NAA25: variants seen among roughly 807,000 people sequenced by gnomAD.
NAA25 encodes N-alpha-acetyltransferase 25, NatB auxiliary subunit, also known as N-terminal acetyltransferase B complex subunit NAA25.
In NAA25, 30 loss-of-function variants were observed where a neutral mutation model predicts 132.5. The ratio of observed to expected loss-of-function variants is 0.23; its 90% CI spans 0.17 to 0.31. The LOEUF (loss-of-function observed/expected upper bound fraction) is 0.31, where lower values mean the gene tolerates loss of function less well. Among genes scored for constraint, NAA25 ranks in the 10% least tolerant of loss-of-function variants. The pLI, the probability that NAA25 is intolerant of heterozygous loss-of-function variation, is 1.00. For missense variants in NAA25, 771 were observed against 1,150.4 expected (o/e 0.67, Z 4.77); for synonymous variants, 359 against 401.9 (o/e 0.89, Z 1.28).
At chr12:112,078,113 A>T in intron 7 of NAA25, 75 bp downstream of exon 7, 1 of 1,067,576 alleles carries the variant, frequency 9.4e-7, no homozygotes, top group South Asian at 1.4e-5. Flanking sequence ...CCTTATGTGG[A>T]AATTTTCTAC....
chr12:112,106,557 G>A (rs2079363862), intron 1 of NAA25, among the ~76,000 whole-genome samples: 1 of 152,060 alleles, frequency 6.6e-6, no homozygotes, highest in South Asian at 2.1e-4. Context: ...CAGCCCCGGG[G>A]AAATAGGAAA....
In NAA25 at chr12:112,054,475, C is replaced by T; in HGVS notation, c.1541G>A (p.Arg514Gln). The T allele has an allele frequency of 6.2e-7, 1 of 1,614,114 alleles. No homozygotes were observed. Among genetic ancestry groups the T allele is most frequent in the Non-Finnish European group, 8.5e-7 (1 of 1,180,018 alleles). Residue 514 changes from arginine to glutamine, a missense_variant, in exon 14 of 24, where the codon CGA (arginine) becomes CAA (glutamine). Arg to Gln is a conservative substitution (Grantham distance 43, BLOSUM62 1). Around this residue, in one of 3 missense-constraint regions of NAA25, gnomAD observed 417 missense variants for 733.8 expected, o/e 0.57. Coordinates refer to ENST00000261745, the MANE Select transcript of NAA25 (RefSeq NM_024953.4). ...SNAQFKLLLV[R>Q]IYCMLGAFEP... ...AAATGCACCCAGCATACAGTAGATT[C>T]GAACAAGCAGCAATTTGAACTGAGC...
chr12:112,048,867 GC>G (rs1192356233), intron 15 of NAA25, among the ~76,000 whole-genome samples: 1 of 150,550 alleles, frequency 6.6e-6, no homozygotes, highest in Non-Finnish European at 1.5e-5. Context: ...AGAACCACCT[GC>G]CCCCCGCCCC....
In NAA25 at chr12:112,104,089, G is replaced by T. The variant is rs138701186; in HGVS notation, c.58+4627C>A. Among the ~76,000 whole-genome samples the T allele has an allele frequency of 4.8e-3, 724 of 152,244 alleles. 10 individuals are homozygous for T. The highest frequency in any genetic ancestry group is 0.017 in the African/African-American group (688 of 41,538). On this transcript the variant is annotated intron_variant, in intron 1 of 23. Coordinates refer to ENST00000261745, the MANE Select transcript of NAA25 (RefSeq NM_024953.4). The stretch of plus-strand genomic sequence containing the variant: ...ATAATTACCTGAGCCAGGCACCCAA[G>T]AGAAATGTCCTAACTCAGCAAAGAA...
At chr12:112,052,596 C>G (rs1027773381) in intron 15 of NAA25, among the ~76,000 whole-genome samples, 1 of 151,168 alleles carries the variant, frequency 6.6e-6, no homozygotes, top group Non-Finnish European at 1.5e-5. Flanking sequence ...AACCTATATC[C>G]CATGTTCAGA....
At chr12:112,095,227 G>A (rs201514422) in intron 1 of NAA25, among the ~76,000 whole-genome samples, 1 of 151,878 alleles carries the variant, frequency 6.6e-6, no homozygotes, top group Non-Finnish European at 1.5e-5. Flanking sequence ...CACGAGGTCA[G>A]GAGATTGAGA....
intron 23 of NAA25, 147 bp downstream of exon 23, chr12:112,033,086 C>T (rs1207294828): frequency 1.1e-6 from 1 of 907,238 alleles, no homozygotes. Flanking sequence ...CAACAAGAAA[C>T]TACTGCCAAG....
At chr12:112,080,999 G>T in intron 5 of NAA25, 61 bp downstream of exon 5, 1 of 1,375,960 alleles carries the variant, frequency 7.3e-7, no homozygotes, top group Non-Finnish European at 1.0e-6. Flanking sequence ...GACACACTGA[G>T]GACAATAACT....
chr12:112,075,646 G>T (rs1239870371), intron 8 of NAA25, 32 bp downstream of exon 8: 1 of 1,571,602 alleles, frequency 6.4e-7, no homozygotes, highest in African/African-American at 1.4e-5. Context: ...CCTCACTACA[G>T]TCAAATGGTA....
intron 1 of NAA25, among the ~76,000 whole-genome samples, chr12:112,101,060 A>T (rs951288622): frequency 6.6e-6 from 1 of 152,124 alleles, no homozygotes; most frequent in African/African-American, 2.4e-5. Flanking sequence ...CCTCAAGTGG[A>T]CCAAGCTCCT....
At position 112,033,217 on chromosome 12, in the gene NAA25, G is replaced by T; in HGVS notation, c.2796+16C>A. On this transcript the variant is annotated intron_variant, in intron 23 of 23. Coordinates refer to ENST00000261745, the MANE Select transcript of NAA25 (RefSeq NM_024953.4). ...GTGTGTGTAGAAAACATTGCCGATT[G>T]CCTACAATCTCTTACCGGTGAGAGA... is the stretch of plus-strand genomic sequence containing the variant. 7.5e-6 allele frequency: 12 copies of T among 1,594,284 alleles called. No homozygotes were observed. Among genetic ancestry groups the T allele is most frequent in the Non-Finnish European group, 1.0e-5 (12 of 1,171,356 alleles).
At chr12:112,082,376 C>A (rs1392573501) in intron 4 of NAA25, among the ~76,000 whole-genome samples, 1 of 152,054 alleles carries the variant, frequency 6.6e-6, no homozygotes, top group Non-Finnish European at 1.5e-5. Context: ...TTGAGACCAG[C>A]CTGGGCAACA....
intron 20 of NAA25, among the ~76,000 whole-genome samples, chr12:112,041,559 A>T (rs1405936360): frequency 6.6e-6 from 1 of 152,176 alleles, no homozygotes; most frequent in East Asian, 1.9e-4. Context: ...TTGGGAATTT[A>T]ACAATTTAAT....
chr12:112,058,609 T>A (rs1214156501), intron 13 of NAA25, among the ~76,000 whole-genome samples: 1 of 152,148 alleles, frequency 6.6e-6, no homozygotes, highest in South Asian at 2.1e-4. Context: ...CTTGGCTTCC[T>A]GAGGTCTGAA....
At chr12:112,065,559 A>C (rs991973617) in intron 11 of NAA25, 1 of 152,028 alleles carries the variant, frequency 6.6e-6, no homozygotes, top group Non-Finnish European at 1.5e-5. Flanking sequence ...GCTACTGGGG[A>C]GGCTGAGGCA....
intron 15 of NAA25, 60 bp from the exon 16 acceptor site, chr12:112,048,503 A>G (rs952453278): frequency 4.1e-6 from 6 of 1,471,146 alleles, no homozygotes; most frequent in Non-Finnish European, 5.6e-6. Flanking sequence ...ATGTAAGCAA[A>G]CCTTGCCAGC....
At chr12:112,083,468 G>C (rs2079000055) in intron 4 of NAA25, among the ~76,000 whole-genome samples, 1 of 151,780 alleles carries the variant, frequency 6.6e-6, no homozygotes, top group Admixed American at 6.6e-5. Context: ...TTGCACCACT[G>C]CAATTCAGCT....
Position 112,108,481 on chromosome 12 carries a change from C to T in NAA25, c.58+235G>A, listed in dbSNP as rs1021884256. ...CGTCCCACGGGGCCTGCCAAGCAGG[C>T]CAGCTCTGCCGACCAGCTGCTGCCC... is the stretch of plus-strand genomic sequence containing the variant. On this transcript the variant is annotated intron_variant, in intron 1 of 23. Transcript: ENST00000261745. 2.6e-5 allele frequency among the ~76,000 whole-genome samples: 4 copies of T among 152,134 alleles called. No individual in the cohort carries two copies. The East Asian group carries it at 7.7e-4, about 29-fold the overall frequency.
rs542035951 is a variant in NAA25 at position 112,049,918 on chromosome 12, A to T, written c.1729-1475T>A. ...AGTAATTAATCAAAAAGAAAATATG[A>T]CTTTAGTAATTCCAATCAAAGTTAT... is the stretch of plus-strand genomic sequence containing the variant. On this transcript the variant is annotated intron_variant, in intron 15 of 23. Coordinates refer to ENST00000261745, the MANE Select transcript of NAA25 (RefSeq NM_024953.4). The surrounding 1 kb of genome is among the most constrained non-coding windows in gnomAD (Gnocchi z 4.7). Among the ~76,000 whole-genome samples, 30 of 152,262 alleles carry T rather than the reference A, an allele frequency of 2.0e-4. No individual in the cohort carries two copies. The highest frequency in any genetic ancestry group is 3.8e-4 in the Non-Finnish European group (26 of 68,034).
Sources: allele counts gnomAD v4.1 joint callset (sites outside exome capture counted in the v4.1 genomes callset), GRCh38; gene constraint gnomAD v4.1.1; regional missense constraint gnomAD v4.1.1; non-coding constraint Gnocchi (gnomAD v3.1); transcripts MANE v1.5; gene names NCBI Gene and HGNC (gene_info 2026-07-23, HGNC 2026-07-21).